The following PDHX variants were observed in gnomAD, a reference collection of about 807,000 sequenced individuals.
PDHX encodes pyruvate dehydrogenase protein X component, mitochondrial.
PDHX carries 33 observed loss-of-function variants against 55.3 expected under a neutral mutation model. The observed-to-expected ratio is 0.60, with a 90% confidence interval of 0.45 to 0.80. The LOEUF is 0.80. PDHX is among the 30% of genes least tolerant of loss of function. The probability of loss-of-function intolerance (pLI) is 0.00; values close to 1 mark genes in which losing one functional copy is unlikely to be tolerated. For synonymous variants in PDHX, 226 were observed against 219.4 expected (o/e 1.03, Z -0.27); for missense variants, 622 against 619.9 (o/e 1.00, Z -0.04).
chr11:34,960,768 A>G (rs1253552281), intron 5 of PDHX, among the ~76,000 whole-genome samples: 1 of 152,242 alleles, frequency 6.6e-6, no homozygotes, highest in South Asian at 2.1e-4. Context: ...GTGGTAATAA[A>G]TGCAGAAAAT....
intron 9 of PDHX, among the ~76,000 whole-genome samples, chr11:34,986,345 GGTCAGTTCAAAA>G (rs995762130): frequency 4.0e-5 from 6 of 150,604 alleles, no homozygotes; most frequent in African/African-American, 1.5e-4. Context: ...GCGTTTATTT[GGTCAGTTCAAAA>G]GTCAAAGTAA....
At chr11:34,930,010 CTG>C (rs780813279) in intron 1 of PDHX, among the ~76,000 whole-genome samples, 2 of 152,186 alleles carry the variant, frequency 1.3e-5, no homozygotes, top group Non-Finnish European at 1.5e-5. Flanking sequence ...TAGAGGGAGA[CTG>C]TGTGTGTACA....
At chr11:34,946,371 T>C (rs72912949) in intron 2 of PDHX, among the ~76,000 whole-genome samples, 350 of 152,328 alleles carry the variant, frequency 2.3e-3, no homozygotes, top group South Asian at 3.5e-3. Flanking sequence ...TTACAATCTT[T>C]GACAGATTGC....
chr11:34,972,460 C>T (rs996588898), intron 7 of PDHX, among the ~76,000 whole-genome samples: 12 of 150,426 alleles, frequency 8.0e-5, no homozygotes, highest in Admixed American at 6.0e-4. Flanking sequence ...TGCAGTGGTG[C>T]GATCTCGGTT....
Position 34,922,864 on chromosome 11 carries a change from T to TTGTGTGTGTGTG in PDHX, c.160+6073_160+6084dup, listed in dbSNP as rs60096111. Among the ~76,000 whole-genome samples, 1,296 of 143,422 alleles carry TTGTGTGTGTGTG rather than the reference T, an allele frequency of 9.0e-3. 21 individuals carry two copies. The highest frequency in any genetic ancestry group is 0.027 in the African/African-American group (1,068 of 38,858). 94.1% of individuals were successfully genotyped at this position (143,422 alleles called of 152,430 possible). On this transcript the variant is annotated intron_variant, in intron 1 of 10. Coordinates refer to ENST00000227868, the MANE Select transcript of PDHX (RefSeq NM_003477.3). ...AAATGTGTAAATTCCCAAAGTATCG[T>TTGTGTGTGTGTG]TGTGTGTGTGTGTGTGTGTGTGTGT...
intron 8 of PDHX, among the ~76,000 whole-genome samples, chr11:34,979,683 CTA>C (rs1855463579): frequency 6.6e-6 from 1 of 151,922 alleles, no homozygotes; most frequent in South Asian, 2.1e-4. Context: ...AATTAATTGA[CTA>C]TTATTGTGAT....
chr11:34,964,995 G>C (rs948940002), intron 5 of PDHX, among the ~76,000 whole-genome samples: 6 of 152,022 alleles, frequency 3.9e-5, no homozygotes, highest in African/African-American at 1.4e-4. Context: ...TTGCACCCCA[G>C]TTAGACTGTT....
At chr11:34,984,265 T>C (rs1297997158) in intron 8 of PDHX, among the ~76,000 whole-genome samples, 2 of 152,180 alleles carry the variant, frequency 1.3e-5, no homozygotes, top group African/African-American at 4.8e-5. Flanking sequence ...ACAACAGACA[T>C]TAAATAACTT....
At chr11:34,974,569 A>AT (rs1333510965) in intron 7 of PDHX, among the ~76,000 whole-genome samples, 4 of 152,006 alleles carry the variant, frequency 2.6e-5, no homozygotes, top group African/African-American at 7.3e-5. Context: ...TCTATTTTTA[A>AT]TTTTTTAAGG....
chr11:34,967,683 T>G (rs1241968402), intron 6 of PDHX, among the ~76,000 whole-genome samples: 2 of 152,182 alleles, frequency 1.3e-5, no homozygotes, highest in African/African-American at 4.8e-5. Flanking sequence ...ATAGCCCAGT[T>G]TATTTAAAAT....
At chr11:34,920,317 G>A (rs1853844155) in intron 1 of PDHX, among the ~76,000 whole-genome samples, 1 of 152,096 alleles carries the variant, frequency 6.6e-6, no homozygotes, top group Admixed American at 6.5e-5. Flanking sequence ...AAAATAACCT[G>A]TGAATAGAAA....
chr11:34,975,639 C>T (rs566294131), intron 7 of PDHX, among the ~76,000 whole-genome samples: 1 of 152,228 alleles, frequency 6.6e-6, no homozygotes, highest in South Asian at 2.1e-4. Flanking sequence ...TTGTACCATA[C>T]TCTGCCCTCT....
chr11:34,946,500 T>C (rs548613183), intron 2 of PDHX, among the ~76,000 whole-genome samples: 1 of 152,330 alleles, frequency 6.6e-6, no homozygotes, highest in South Asian at 2.1e-4. Context: ...TACTTTTAAG[T>C]GGAAAGTTTA....
At chr11:34,916,463 G>C, upstream of PDHX, 3 of 1,461,704 alleles carry the variant, frequency 2.1e-6, no homozygotes, top group Non-Finnish European at 1.8e-6. Context: ...GAGATATCCA[G>C]CGGCGCACCT....
intron 1 of PDHX, among the ~76,000 whole-genome samples, chr11:34,919,332 A>C (rs894245731): frequency 6.6e-6 from 1 of 152,258 alleles, no homozygotes; most frequent in Non-Finnish European, 1.5e-5. Flanking sequence ...CTGTAGTTTT[A>C]TAAAACTAAA....
intron 1 of PDHX, among the ~76,000 whole-genome samples, chr11:34,919,441 A>G (rs1853820449): frequency 6.6e-6 from 1 of 152,218 alleles, no homozygotes; most frequent in Non-Finnish European, 1.5e-5. Context: ...AGTCGGAACT[A>G]CCTTTGGAGT....
chr11:34,971,713 A>T (rs967500092), intron 7 of PDHX, among the ~76,000 whole-genome samples: 2 of 152,106 alleles, frequency 1.3e-5, no homozygotes, highest in Non-Finnish European at 1.5e-5. Context: ...ACCTATGCCC[A>T]TGAGAAATGC....
At chr11:34,959,382 C>T (rs1054233768) in intron 4 of PDHX, among the ~76,000 whole-genome samples, 1 of 143,508 alleles carries the variant, frequency 7.0e-6, no homozygotes, top group Admixed American at 7.3e-5. Flanking sequence ...CCCTTCATAC[C>T]CTTCAGGATG....
At chr11:34,936,789 T>TTTCTTTC (rs1465697332) in intron 2 of PDHX, among the ~76,000 whole-genome samples, 6 of 121,006 alleles carry the variant, frequency 5.0e-5, no homozygotes, top group East Asian at 2.7e-4. Flanking sequence ...TTTTCTTTTT[T>TTTCTTTC]TTTTTTTTTT....
Sources: allele counts gnomAD v4.1 joint callset (sites outside exome capture counted in the v4.1 genomes callset), GRCh38; gene constraint gnomAD v4.1.1; transcripts MANE v1.5; gene names NCBI Gene and HGNC (gene_info 2026-07-23, HGNC 2026-07-21).